Variants in PPP1R15B observed in about 807,000 individuals in gnomAD.
The protein encoded by PPP1R15B is protein phosphatase 1, regulatory (inhibitor) subunit 15B.
PPP1R15B carries 31 observed loss-of-function variants against 53.9 expected under a neutral mutation model. The ratio of observed to expected loss-of-function variants is 0.58; its 90% CI spans 0.43 to 0.78. The LOEUF (loss-of-function observed/expected upper bound fraction) is 0.78, where lower values mean the gene tolerates loss of function less well. Ranked by LOEUF, PPP1R15B falls within the 30% of genes least tolerant of loss-of-function variation. The pLI is 0.00. For synonymous variants in PPP1R15B, 345 were observed against 329.1 expected (o/e 1.05, Z -0.52); for missense variants, 928 against 849.6 (o/e 1.09, Z -1.15).
chr1:204,411,485 G>A lies in PPP1R15B; in HGVS notation c.-74C>T. The A allele has an allele frequency of 6.5e-7, 1 of 1,539,478 alleles. No individual in the cohort carries two copies. Among genetic ancestry groups the A allele is most frequent in the Non-Finnish European group, 8.7e-7 (1 of 1,149,146 alleles). On this transcript the variant is annotated 5_prime_UTR_variant, in exon 1 of 2. Transcript: ENST00000367188. ...TGGAGGTCGACGGGATTCGGAGGAA[G>A]CCTACAGAGTCTCGGCCTTGCCCAG...
chr1:204,411,277 G>T lies in PPP1R15B; in HGVS notation c.135C>A (p.Ser45=). 6.2e-7 allele frequency: 1 copy of T among 1,614,200 alleles called. No individual in the cohort carries two copies. Among genetic ancestry groups the T allele is most frequent in the South Asian group, 1.1e-5 (1 of 91,088 alleles). The change falls in exon 1 of 2, where the codon TCC becomes TCA. Residue 45 remains serine, a synonymous_variant. Transcript: ENST00000367188. Reference sequence around the variant, plus strand: ...CAGAGGAAAGCAGTGTGGGGTTCCCGGAGTTTTCCGGGCCAAGAGGCGTCG... The same window carrying T: ...CAGAGGAAAGCAGTGTGGGGTTCCCTGAGTTTTCCGGGCCAAGAGGCGTCG... ...KFPTPLGPEN[S]GNPTLLSSAQ... is the part of the protein sequence containing the mutation.
At chr1:204,401,149 A>T (rs1472103267), downstream of PPP1R15B, among the ~76,000 whole-genome samples, 1 of 152,204 alleles carries the variant, frequency 6.6e-6, no homozygotes, top group African/African-American at 2.4e-5. Context: ...CATGTGTAGA[A>T]TGAGTTAGTT....
At chr1:204,400,796 A>C, downstream of PPP1R15B, 2 of 832,910 alleles carry the variant, frequency 2.4e-6, no homozygotes, top group Non-Finnish European at 2.9e-6. Flanking sequence ...GGATCTATAA[A>C]ACAGTAGTGA....
downstream of PPP1R15B, among the ~76,000 whole-genome samples, chr1:204,399,797 G>A (rs911385999): frequency 1.3e-5 from 2 of 152,102 alleles, no homozygotes; most frequent in Non-Finnish European, 2.9e-5. Flanking sequence ...AGTGATCAGA[G>A]GGCTCTTTGA....
chr1:204,404,887 A>C lies in PPP1R15B; in HGVS notation c.*1205T>G. 1.0e-6 allele frequency: 1 copy of C among 985,834 alleles called. No individual in the cohort carries two copies. Among genetic ancestry groups the C allele is most frequent in the Non-Finnish European group, 1.2e-6 (1 of 829,902 alleles). 61.1% of individuals were successfully genotyped at this position (985,834 alleles called of 1,614,324 possible). ...AGTCAATGCAAAGACTTCAATTCAA[A>C]GTAACCTTTGGGCTAAATATATTAA... On this transcript the variant is annotated 3_prime_UTR_variant, in exon 2 of 2. Transcript: ENST00000367188.
chr1:204,401,207 G>A (rs1674174446), downstream of PPP1R15B, among the ~76,000 whole-genome samples: 1 of 152,238 alleles, frequency 6.6e-6, no homozygotes, highest in East Asian at 1.9e-4. Context: ...CATATTGGTT[G>A]AAAGCATCAT....
chr1:204,400,594 G>A (rs1249530630), downstream of PPP1R15B: 1 of 224,084 alleles, frequency 4.5e-6, no homozygotes, highest in African/African-American at 2.3e-5. Context: ...CCAAAGTGCT[G>A]GGATTACAGG....
rs766434958 is a variant in PPP1R15B, at chr1:204,409,498, T to C, written c.1914A>G (p.Arg638=). 2.2e-5 allele frequency: 35 copies of C among 1,603,916 alleles called. No homozygotes were observed. Among genetic ancestry groups the C allele is most frequent in the Non-Finnish European group, 2.6e-5 (30 of 1,175,764 alleles). ...TAAAAGACAAGAAACAAACCTTTTTTCTTTTGACATGTGTGTGTCTTCCTC... is the reference window on the plus strand; with the variant it reads ...TAAAAGACAAGAAACAAACCTTTTTCCTTTTGACATGTGTGTGTCTTCCTC... The part of the protein sequence containing the change: ...LSGGRHTHVK[R]KKVTFLEEVT... Residue 638 remains arginine (R), a synonymous_variant, in exon 1 of 2, where the codon AGA becomes AGG. Transcript: ENST00000367188.
downstream of PPP1R15B, among the ~76,000 whole-genome samples, chr1:204,397,398 C>T (rs986792898): frequency 6.7e-5 from 10 of 148,966 alleles, no homozygotes; most frequent in East Asian, 6.1e-4. Flanking sequence ...TGGTGGCACG[C>T]GCCTGTAGTC....
At chr1:204,402,548 T>C (rs1434294725), downstream of PPP1R15B, among the ~76,000 whole-genome samples, 1 of 151,954 alleles carries the variant, frequency 6.6e-6, no homozygotes, top group Non-Finnish European at 1.5e-5. Flanking sequence ...ACTGGGTCTA[T>C]AGGCTAGGAC....
Position 204,403,533 on chromosome 1 carries a change from T to C in PPP1R15B, c.*2559A>G, listed in dbSNP as rs1395629850. ...TTAGAGTCTTCTAGTCCCCTAACTT[T>C]ACCTTCCTTAAATTATACAAAAATA... On this transcript the variant is annotated 3_prime_UTR_variant, in exon 2 of 2. Transcript: ENST00000367188. 1.3e-5 allele frequency: 13 copies of C among 974,160 alleles called. No individual in the cohort carries two copies. Among genetic ancestry groups the C allele is most frequent in the Non-Finnish European group, 1.6e-5 (13 of 819,438 alleles). 60.3% of individuals were successfully genotyped at this position (974,160 alleles called of 1,614,324 possible). A position where few individuals can be genotyped will look rare whatever the true frequency, so the allele number is the denominator to read the frequency against.
At chr1:204,398,757 G>C (rs2103438292), downstream of PPP1R15B, among the ~76,000 whole-genome samples, 1 of 152,262 alleles carries the variant, frequency 6.6e-6, no homozygotes, top group Non-Finnish European at 1.5e-5. Context: ...AGCATCACTA[G>C]AAACCCAAAG....
downstream of PPP1R15B, among the ~76,000 whole-genome samples, chr1:204,397,962 A>G (rs576533907): frequency 2.0e-5 from 3 of 152,310 alleles, no homozygotes; most frequent in South Asian, 6.2e-4. Flanking sequence ...ACCTTTTCAC[A>G]TACAAAATTG....
Position 204,411,428 on chromosome 1 carries a change from G to A in PPP1R15B, c.-17C>T, listed in dbSNP as rs1489540941. 2 of 1,605,138 alleles carry A rather than the reference G, an allele frequency of 1.2e-6. 1 individual carries two copies. The highest frequency in any genetic ancestry group is 2.7e-5 in the African/African-American group (2 of 74,698). ...CGGCTCCATCTCCTTTTTCTTGACAGTCTCTCAGGTAGGGCCGCGGCGCTC... is the reference window on the plus strand; with the variant it reads ...CGGCTCCATCTCCTTTTTCTTGACAATCTCTCAGGTAGGGCCGCGGCGCTC... On this transcript the variant is annotated 5_prime_UTR_variant, in exon 1 of 2. Transcript: ENST00000367188.
downstream of PPP1R15B, among the ~76,000 whole-genome samples, chr1:204,401,590 G>GA (rs549161369): frequency 3.1e-3 from 468 of 152,160 alleles, 6 homozygotes; most frequent in South Asian, 0.035. Flanking sequence ...TGCATTATGA[G>GA]AAAAAAATGA....
At chr1:204,396,281 G>A (rs1452200162), downstream of PPP1R15B, among the ~76,000 whole-genome samples, 4 of 149,710 alleles carry the variant, frequency 2.7e-5, no homozygotes, top group Non-Finnish European at 5.9e-5. Flanking sequence ...GCCAAAACAG[G>A]CAGATCTCTT....
downstream of PPP1R15B, among the ~76,000 whole-genome samples, chr1:204,399,977 G>A (rs897097674): frequency 6.6e-6 from 1 of 152,054 alleles, no homozygotes; most frequent in Non-Finnish European, 1.5e-5. Flanking sequence ...TGGACCTGAC[G>A]ACTCATGCCT....
chr1:204,407,924 T>C (rs568219264), intron 1 of PPP1R15B, among the ~76,000 whole-genome samples: 4 of 152,328 alleles, frequency 2.6e-5, no homozygotes, highest in Admixed American at 2.0e-4. Flanking sequence ...GACATAATCA[T>C]TTATAAATTC....
downstream of PPP1R15B, among the ~76,000 whole-genome samples, chr1:204,402,352 A>G (rs1191755739): frequency 6.6e-6 from 1 of 152,080 alleles, no homozygotes; most frequent in Non-Finnish European, 1.5e-5. Flanking sequence ...TTTTTTTCTG[A>G]TAACATTTAT....
Sources: allele counts gnomAD v4.1 joint callset (sites outside exome capture counted in the v4.1 genomes callset), GRCh38; gene constraint gnomAD v4.1.1; transcripts MANE v1.5; gene names NCBI Gene and HGNC (gene_info 2026-07-23, HGNC 2026-07-21).